Variants in SLC25A48 observed in about 807,000 individuals in gnomAD.
SLC25A48 encodes solute carrier family 25 member 48.
A neutral mutation model predicts 32.2 loss-of-function variants in SLC25A48; 29 were observed. The ratio of observed to expected loss-of-function variants is 0.90; its 90% CI spans 0.67 to 1.23. The LOEUF (loss-of-function observed/expected upper bound fraction) is 1.23, where lower values mean the gene tolerates loss of function less well. Among genes scored for constraint, SLC25A48 ranks in the 50% most tolerant of loss-of-function variants. The pLI, the probability that SLC25A48 is intolerant of heterozygous loss-of-function variation, is 0.00. For missense variants in SLC25A48, 399 were observed against 422.7 expected, an observed-to-expected ratio of 0.94 and a Z score of 0.49; for synonymous variants, 164 against 172.3, an observed-to-expected ratio of 0.95 and a Z score of 0.38.
chr5:135,774,285 C>T (rs564152587), intron 3 of SLC25A48, among the ~76,000 whole-genome samples: 15 of 151,784 alleles, frequency 9.9e-5, no homozygotes, highest in African/African-American at 3.1e-4. Context: ...AGGTGTACAC[C>T]ACCCCTGTGA....
intron 1 of SLC25A48, among the ~76,000 whole-genome samples, chr5:135,617,877 A>G (rs1002287561): frequency 1.3e-5 from 2 of 151,954 alleles, no homozygotes; most frequent in East Asian, 1.9e-4. Context: ...ATGATTTATT[A>G]TCTAGAATGT....
chr5:135,874,665 G>A lies in SLC25A48; in HGVS notation c.813+511G>A, dbSNP rs757550190. 4.8e-5 allele frequency: 34 copies of A among 701,312 alleles called. No homozygotes were observed. In the South Asian group the frequency reaches 4.9e-4, roughly 10 times the overall value. 43.4% of individuals were successfully genotyped at this position (701,312 alleles called of 1,614,324 possible). On this transcript the variant is annotated intron_variant, in intron 6 of 7. Coordinates refer to ENST00000681962, the MANE Select transcript of SLC25A48 (RefSeq NM_001349336.2). ...CAGACCTCTGGTCGTGGCTGAGGAG[G>A]CAGCCTCCAACACGTTTCCCTGGGC...
At chr5:135,866,791 T>TA (rs758075201) in intron 4 of SLC25A48, among the ~76,000 whole-genome samples, 31 of 152,222 alleles carry the variant, frequency 2.0e-4, no homozygotes, top group Non-Finnish European at 3.8e-4. Context: ...CTCCACTTCC[T>TA]ACGGCAGTGG....
chr5:135,874,273 T>C, intron 6 of SLC25A48, 119 bp downstream of exon 6: 2 of 1,225,972 alleles, frequency 1.6e-6, no homozygotes, highest in Non-Finnish European at 2.1e-6. Flanking sequence ...CTGGTGATTA[T>C]GTATCAGGTG....
At chr5:135,605,943 T>G (rs1751923572) in intron 1 of SLC25A48, among the ~76,000 whole-genome samples, 1 of 152,164 alleles carries the variant, frequency 6.6e-6, no homozygotes, top group African/African-American at 2.4e-5. Context: ...AATTTAAGAT[T>G]CAGCTCAAGC....
At chr5:135,883,182 TCTTC>T (rs1762595172) in intron 7 of SLC25A48, 1 of 985,476 alleles carries the variant, frequency 1.0e-6, no homozygotes, top group South Asian at 4.7e-5. Flanking sequence ...CCTCAGAACC[TCTTC>T]CTTCCTTCAC....
intron 3 of SLC25A48, chr5:135,650,270 G>A (rs1753075517): frequency 3.6e-5 from 14 of 383,824 alleles, no homozygotes; most frequent in South Asian, 2.5e-4. Flanking sequence ...GTAGACAATT[G>A]CTACTCAAAG....
chr5:135,858,049 G>C (rs534183834), intron 4 of SLC25A48, among the ~76,000 whole-genome samples: 1 of 152,022 alleles, frequency 6.6e-6, no homozygotes, highest in East Asian at 1.9e-4. Flanking sequence ...AAGATTCCCC[G>C]AGCCTCCTGT....
intron 3 of SLC25A48, among the ~76,000 whole-genome samples, chr5:135,767,289 G>A (rs7378538): frequency 0.31 from 46,559 of 151,408 alleles, 7,310 homozygotes; most frequent in East Asian, 0.46. Context: ...TCCAGAAGGC[G>A]AGAGGATGAT....
chr5:135,619,465 T>G (rs567758600), intron 1 of SLC25A48, among the ~76,000 whole-genome samples: 14 of 152,360 alleles, frequency 9.2e-5, no homozygotes, highest in Non-Finnish European at 1.9e-4. Flanking sequence ...TTTGAATTCT[T>G]TAGCTGGGAT....
chr5:135,881,096 C>A (rs572349575), intron 7 of SLC25A48, among the ~76,000 whole-genome samples: 5 of 152,338 alleles, frequency 3.3e-5, no homozygotes, highest in Non-Finnish European at 5.9e-5. Context: ...GGATGACCAA[C>A]CCCCATATGC....
upstream of SLC25A48, among the ~76,000 whole-genome samples, chr5:135,831,348 C>T (rs1758204164): frequency 6.6e-6 from 1 of 152,248 alleles, no homozygotes; most frequent in African/African-American, 2.4e-5. Flanking sequence ...TGACTGACTG[C>T]CCATCAGGCC....
intron 1 of SLC25A48, among the ~76,000 whole-genome samples, chr5:135,610,532 A>G (rs569159297): frequency 1.5e-4 from 23 of 152,306 alleles, no homozygotes; most frequent in African/African-American, 5.3e-4. Context: ...AGACATTGAC[A>G]GCAATAATTT....
chr5:135,758,762 A>G (rs1755986843), intron 3 of SLC25A48, among the ~76,000 whole-genome samples: 1 of 150,768 alleles, frequency 6.6e-6, no homozygotes, highest in African/African-American at 2.4e-5. Context: ...AATACCAAGC[A>G]TTAACACATT....
chr5:135,772,156 T>C (rs1195560160), intron 3 of SLC25A48, among the ~76,000 whole-genome samples: 1 of 151,412 alleles, frequency 6.6e-6, no homozygotes, highest in East Asian at 1.9e-4. Flanking sequence ...GTGTGTAAAC[T>C]CGCTTGTGAT....
intron 3 of SLC25A48, among the ~76,000 whole-genome samples, chr5:135,750,692 C>T (rs973063505): frequency 1.3e-5 from 2 of 152,136 alleles, no homozygotes; most frequent in East Asian, 1.9e-4. Context: ...CCAGCAGCTG[C>T]GCCCCCAGGT....
chr5:135,588,147 G>C (rs1751415938), intron 1 of SLC25A48, among the ~76,000 whole-genome samples: 1 of 152,334 alleles, frequency 6.6e-6, no homozygotes, highest in East Asian at 1.9e-4. Context: ...TGTTCTTGTA[G>C]CTACTGTTTC....
chr5:135,751,210 A>T (rs1755763688), intron 3 of SLC25A48, among the ~76,000 whole-genome samples: 1 of 152,204 alleles, frequency 6.6e-6, no homozygotes, highest in South Asian at 2.1e-4. Flanking sequence ...GCCTTCCAGC[A>T]TCCCTCCTGC....
At chr5:135,814,945 A>C (rs946910109) in intron 4 of SLC25A48, among the ~76,000 whole-genome samples, 2 of 152,214 alleles carry the variant, frequency 1.3e-5, no homozygotes, top group African/African-American at 2.4e-5. Context: ...ATGGGCCCAC[A>C]GAGTACTGTG....
Sources: gnomAD v4.1 joint callset for allele counts (sites outside exome capture counted in the v4.1 genomes callset) on GRCh38, gnomAD v4.1.1 for gene constraint, MANE v1.5 for transcripts, NCBI Gene and HGNC (gene_info 2026-07-23, HGNC 2026-07-21) for gene names.